FTO: variants seen among roughly 807,000 people sequenced by gnomAD.
The protein encoded by FTO is alpha-ketoglutarate-dependent dioxygenase FTO.
In FTO, 47 loss-of-function variants were observed where a neutral mutation model predicts 63.9. That is an observed-to-expected ratio of 0.74 (90% CI 0.58 to 0.94). The LOEUF (loss-of-function observed/expected upper bound fraction) is 0.94, where lower values mean the gene tolerates loss of function less well. Ranked by LOEUF, FTO falls within the 40% of genes least tolerant of loss-of-function variation. The probability of loss-of-function intolerance (pLI) is 0.00; values close to 1 mark genes in which losing one functional copy is unlikely to be tolerated. For missense variants in FTO, 562 were observed against 618.1 expected (o/e 0.91, Z 0.96); for synonymous variants, 207 against 224.4 (o/e 0.92, Z 0.69).
At chr16:54,069,305 C>G (rs1255178103) in intron 8 of FTO, among the ~76,000 whole-genome samples, 1 of 152,066 alleles carries the variant, frequency 6.6e-6, no homozygotes, top group Non-Finnish European at 1.5e-5. Context: ...CATGTTTGGC[C>G]CCTGTGGAGT....
In FTO at chr16:53,933,308, G is replaced by A. The variant is rs182887241; in HGVS notation, c.1240-677G>A. ...TTTCATTCCTTTTAGCAATTGCTTT[G>A]GTTATAAAATCTCCAAAGAAGCCAC... On this transcript the variant is annotated intron_variant, in intron 7 of 8. Transcript: ENST00000471389. Among the ~76,000 whole-genome samples the A allele has an allele frequency of 2.4e-3, 367 of 152,128 alleles. 1 individual carries two copies. Among genetic ancestry groups the A allele is most frequent in the African/African-American group, 8.0e-3 (331 of 41,496 alleles).
chr16:53,959,647 G>C (rs567151802), intron 8 of FTO, among the ~76,000 whole-genome samples: 1 of 152,176 alleles, frequency 6.6e-6, no homozygotes, highest in East Asian at 1.9e-4. Context: ...ACCATATGAG[G>C]TGTTAACTGT....
intron 7 of FTO, among the ~76,000 whole-genome samples, chr16:53,917,093 T>C (rs566250735): frequency 6.6e-6 from 1 of 152,298 alleles, no homozygotes; most frequent in Admixed American, 6.5e-5. Flanking sequence ...CGTAGCATCA[T>C]TAACCCCAAT....
At chr16:53,785,008 T>C (rs1293638466) in intron 1 of FTO, among the ~76,000 whole-genome samples, 2 of 152,148 alleles carry the variant, frequency 1.3e-5, no homozygotes, top group African/African-American at 2.4e-5. Context: ...AAATAGTAAG[T>C]AGCATTTGGA....
intron 8 of FTO, among the ~76,000 whole-genome samples, chr16:54,090,333 G>A (rs2689253): frequency 0.55 from 82,935 of 151,978 alleles, 23,790 homozygotes; most frequent in African/African-American, 0.73. Flanking sequence ...AGAATAGGCA[G>A]ATCCATGGAG....
At chr16:53,740,656 T>G (rs74018196) in intron 1 of FTO, among the ~76,000 whole-genome samples, 180 of 152,314 alleles carry the variant, frequency 1.2e-3, no homozygotes, top group African/African-American at 4.3e-3. Context: ...TTAGGGGCAC[T>G]GAAAATGTTA....
At chr16:53,751,634 C>T (rs1247710169) in intron 1 of FTO, among the ~76,000 whole-genome samples, 1 of 151,900 alleles carries the variant, frequency 6.6e-6, no homozygotes, top group African/African-American at 2.4e-5. Flanking sequence ...AGTGATTGCC[C>T]AGGGGTGGGG....
chr16:54,050,930 A>C (rs2085297095), intron 8 of FTO, among the ~76,000 whole-genome samples: 1 of 152,224 alleles, frequency 6.6e-6, no homozygotes, highest in African/African-American at 2.4e-5. Context: ...GCCAGAACAG[A>C]CAGTATGAAA....
At chr16:53,985,084 A>G (rs1196754317) in intron 8 of FTO, 11 of 428,232 alleles carry the variant, frequency 2.6e-5, no homozygotes, top group Non-Finnish European at 3.3e-5. Flanking sequence ...TGTTTGTTCC[A>G]GTATGTGTAG....
At chr16:53,930,554 C>G (rs2082257603) in intron 7 of FTO, among the ~76,000 whole-genome samples, 1 of 152,024 alleles carries the variant, frequency 6.6e-6, no homozygotes, top group Non-Finnish European at 1.5e-5. Flanking sequence ...TACCATTTTT[C>G]TTTTGAAGTG....
At chr16:53,846,942 G>A (rs1252216762) in intron 4 of FTO, among the ~76,000 whole-genome samples, 1 of 151,750 alleles carries the variant, frequency 6.6e-6, no homozygotes, top group Admixed American at 6.6e-5. Flanking sequence ...CTGGAAAAAA[G>A]AGTCTGAAAT....
At chr16:53,854,720 C>A (rs2079927746) in intron 4 of FTO, among the ~76,000 whole-genome samples, 1 of 152,118 alleles carries the variant, frequency 6.6e-6, no homozygotes, top group Non-Finnish European at 1.5e-5. Flanking sequence ...TAATGTGATG[C>A]CTCCAGATTT....
At chr16:53,997,485 G>A (rs977257326) in intron 8 of FTO, among the ~76,000 whole-genome samples, 1 of 138,488 alleles carries the variant, frequency 7.2e-6, no homozygotes, top group Admixed American at 8.4e-5. Context: ...ATCAGGAAAT[G>A]TTTCCTGGCA....
chr16:53,788,519 C>G (rs1409296655), intron 1 of FTO, among the ~76,000 whole-genome samples: 1 of 149,522 alleles, frequency 6.7e-6, no homozygotes, highest in Non-Finnish European at 1.5e-5. Flanking sequence ...AGGAGAATTG[C>G]TTGAACCCGG....
At chr16:53,911,446 T>A in intron 7 of FTO, 1 of 684,438 alleles carries the variant, frequency 1.5e-6, no homozygotes, top group Non-Finnish European at 2.7e-6. Flanking sequence ...GAAGTGGCCA[T>A]ACCGTTGCAT....
Position 53,775,211 on chromosome 16 carries a change from C to T in FTO, c.46-34929C>T, listed in dbSNP as rs55872725. Among the ~76,000 whole-genome samples, 46,651 of 152,016 alleles carry T rather than the reference C, an allele frequency of 0.31. 8,777 individuals carry two copies. The highest frequency in any genetic ancestry group is 0.42 in the Non-Finnish European group (28,311 of 67,918). On this transcript the variant is annotated intron_variant, in intron 1 of 8. Transcript: ENST00000471389. ...AAATAAAATATCTTTACCTCCAACT[C>T]ATATTGCATTTTCTGTCCAGCACAG...
intron 5 of FTO, among the ~76,000 whole-genome samples, 150 bp from the exon 6 acceptor site, chr16:53,879,691 TAAA>T (rs34252518): frequency 2.0e-4 from 19 of 95,060 alleles, no homozygotes; most frequent in Admixed American, 5.9e-4. Context: ...ATCTCAAAAT[TAAA>T]AAAAAAAAAA....
At chr16:53,779,244 T>C (rs2077531699) in intron 1 of FTO, among the ~76,000 whole-genome samples, 1 of 152,112 alleles carries the variant, frequency 6.6e-6, no homozygotes, top group Non-Finnish European at 1.5e-5. Flanking sequence ...AATCTTCCAG[T>C]TTCTTTTTTT....
At chr16:54,086,697 A>G (rs1319855080) in intron 8 of FTO, among the ~76,000 whole-genome samples, 3 of 152,220 alleles carry the variant, frequency 2.0e-5, no homozygotes, top group Admixed American at 2.0e-4. Context: ...TCAAATATTC[A>G]TAAAGGCAGG....
Sources: gnomAD v4.1 joint callset for allele counts (sites outside exome capture counted in the v4.1 genomes callset) on GRCh38, gnomAD v4.1.1 for gene constraint, MANE v1.5 for transcripts, NCBI Gene and HGNC (gene_info 2026-07-23, HGNC 2026-07-21) for gene names.